The following C2orf80 variants were observed in gnomAD, a reference collection of about 807,000 sequenced individuals.
The protein encoded by C2orf80 is uncharacterized protein C2orf80.
A neutral mutation model predicts 30.2 loss-of-function variants in C2orf80; 28 were observed. That is an observed-to-expected ratio of 0.93 (90% CI 0.69 to 1.27). C2orf80 has a LOEUF of 1.27. Ranked by LOEUF, C2orf80 falls within the 50% of genes most tolerant of loss-of-function variation. The pLI is 0.00. For missense variants in C2orf80, 220 were observed against 231.0 expected (o/e 0.95, Z 0.31); for synonymous variants, 80 against 76.4 (o/e 1.05, Z -0.24).
chr2:208,174,632 G>C (rs1696219186), intron 6 of C2orf80, among the ~76,000 whole-genome samples: 2 of 152,176 alleles, frequency 1.3e-5, no homozygotes, highest in Non-Finnish European at 1.5e-5. Flanking sequence ...TTACATATGG[G>C]GAAATTGGGA....
intron 6 of C2orf80, among the ~76,000 whole-genome samples, chr2:208,177,833 TTA>T (rs1559341420): frequency 3.0e-4 from 45 of 148,650 alleles, no homozygotes; most frequent in African/African-American, 1.1e-3. Flanking sequence ...TATTTATTTT[TTA>T]TTTTTTTTGA....
rs954853600 is a variant in C2orf80 at position 208,190,017 on chromosome 2, G to A, written c.-140C>T. On this transcript the variant is annotated 5_prime_UTR_variant, in exon 1 of 9. Transcript: ENST00000341287. ...CTTCTGGAGGCATGCTGAAGCATCCGCGCATCTCAGACTGGTGCTCACAGA... is the reference window on the plus strand; with the variant it reads ...CTTCTGGAGGCATGCTGAAGCATCCACGCATCTCAGACTGGTGCTCACAGA... 12 of 702,708 alleles carry A rather than the reference G, an allele frequency of 1.7e-5. No homozygotes were observed. Among genetic ancestry groups the A allele is most frequent in the South Asian group, 5.9e-5 (4 of 67,554 alleles). The allele number at this position is 702,708 out of a possible 1,614,324, so 43.5% of individuals were successfully genotyped here.
At chr2:208,174,654 A>G (rs935089519) in intron 6 of C2orf80, among the ~76,000 whole-genome samples, 8 of 152,238 alleles carry the variant, frequency 5.3e-5, no homozygotes, top group Non-Finnish European at 1.0e-4. Flanking sequence ...TCAGAGAGAA[A>G]TAACTTATCC....
intron 6 of C2orf80, among the ~76,000 whole-genome samples, chr2:208,174,510 G>C (rs530495685): frequency 6.6e-6 from 1 of 152,158 alleles, no homozygotes; most frequent in Non-Finnish European, 1.5e-5. Flanking sequence ...CACTAATATG[G>C]AAGGTCCCCT....
chr2:208,180,804 T>C lies in C2orf80; in HGVS notation c.307A>G (p.Ile103Val). 6.2e-7 allele frequency: 1 copy of C among 1,613,406 alleles called. No individual in the cohort carries two copies. Among genetic ancestry groups the C allele is most frequent in the Non-Finnish European group, 8.5e-7 (1 of 1,179,568 alleles). Residue 103 changes from isoleucine to valine, a missense_variant, in exon 6 of 9, where the codon ATT becomes GTT. Ile to Val is a conservative substitution (Grantham distance 29, BLOSUM62 3). Transcript: ENST00000341287. Reference protein sequence around the residue: ...YAGILMNSIPIEEVFKIYGAD... With the variant: ...YAGILMNSIPVEEVFKIYGAD... ...CCATAAATTTTAAAGACTTCCTCAA[T>C]CGGGATACTGTTCTGTTAAACAACA...
intron 4 of C2orf80, among the ~76,000 whole-genome samples, chr2:208,181,657 G>A (rs1696565839): frequency 6.6e-6 from 1 of 152,036 alleles, no homozygotes; most frequent in South Asian, 2.1e-4. Context: ...AAGCCTATAT[G>A]CTTCTAGGGA....
intron 5 of C2orf80, 145 bp from the exon 6 acceptor site, chr2:208,180,961 T>C: frequency 2.8e-6 from 2 of 713,880 alleles, no homozygotes; most frequent in Non-Finnish European, 2.3e-6. Context: ...TTCTGATCAA[T>C]GGATAAATCA....
Position 208,181,322 on chromosome 2 carries a change from A to T in C2orf80, c.207-17T>A. The T allele has an allele frequency of 6.7e-7, 1 of 1,497,138 alleles. No individual in the cohort carries two copies. The highest frequency in any genetic ancestry group is 9.3e-7 in the Non-Finnish European group (1 of 1,073,984). 92.7% of individuals were successfully genotyped at this position (1,497,138 alleles called of 1,614,324 possible). On this transcript the variant is annotated splice_polypyrimidine_tract_variant and intron_variant, in intron 4 of 8. Coordinates refer to ENST00000341287, the MANE Select transcript of C2orf80 (RefSeq NM_001099334.3). ...GGTATTTTCCTAATGGGGAATAGGA[A>T]ATACAAGTGGAAGATTTATTCTTGT... is the stretch of plus-strand genomic sequence containing the variant.
intron 7 of C2orf80, 76 bp downstream of exon 7, chr2:208,171,912 T>C (rs1431023091): frequency 5.7e-6 from 7 of 1,230,010 alleles, no homozygotes; most frequent in Non-Finnish European, 8.4e-6. Flanking sequence ...AATTTTGACC[T>C]TACCTGGTGA....
At chr2:208,183,841 G>A (rs770038052) in intron 3 of C2orf80, among the ~76,000 whole-genome samples, 18 of 152,300 alleles carry the variant, frequency 1.2e-4, no homozygotes, top group Non-Finnish European at 2.2e-4. Flanking sequence ...TTATCATGGT[G>A]ACCACCTTTT....
At chr2:208,176,996 C>CAG (rs1696366296) in intron 6 of C2orf80, among the ~76,000 whole-genome samples, 3 of 12,480 alleles carry the variant, frequency 2.4e-4, no homozygotes, top group African/African-American at 6.4e-4. Context: ...TATATGTATA[C>CAG]ATATATACAT....
At chr2:208,171,141 C>A in intron 7 of C2orf80, 78 bp from the exon 8 acceptor site, 1 of 943,630 alleles carries the variant, frequency 1.1e-6, no homozygotes, top group Non-Finnish European at 1.7e-6. Context: ...CATTTAATTT[C>A]ATTTCACTAA....
intron 6 of C2orf80, among the ~76,000 whole-genome samples, chr2:208,179,703 C>CT (rs76655685): frequency 0.17 from 24,939 of 146,864 alleles, 2,940 homozygotes; most frequent in East Asian, 0.57. Context: ...TCAGAACACC[C>CT]TTTTTTTTTT....
intron 6 of C2orf80, among the ~76,000 whole-genome samples, chr2:208,173,372 C>A (rs1696168723): frequency 6.6e-6 from 1 of 152,192 alleles, no homozygotes; most frequent in Non-Finnish European, 1.5e-5. Context: ...AGCGTGTAAT[C>A]TCAGCACTTT....
rs770923949 is a variant in C2orf80, at chr2:208,184,959, C to T, written c.115G>A (p.Asp39Asn). The T allele has an allele frequency of 6.2e-7, 1 of 1,613,156 alleles. No individual in the cohort carries two copies. The highest frequency in any genetic ancestry group is 2.2e-5 in the East Asian group (1 of 44,876). ...PKGRRQLTFL[D>N]DMAHYDLAIS... The stretch of plus-strand genomic sequence containing the variant: ...AGCGTGCCTTTCTTTACCATATCAT[C>T]TAGAAAGGTGAGTTGCCGTCTTCCT... Residue 39 changes from aspartate to asparagine, a missense_variant, in exon 3 of 9, where the codon GAT becomes AAT. By Grantham distance (23) the Asp-to-Asn change is conservative. Coordinates refer to ENST00000341287, the MANE Select transcript of C2orf80 (RefSeq NM_001099334.3).
intron 6 of C2orf80, among the ~76,000 whole-genome samples, chr2:208,176,926 C>CATATGTACAG (rs1553597346): frequency 7.5e-5 from 6 of 80,150 alleles, no homozygotes; most frequent in African/African-American, 2.5e-4. Flanking sequence ...TATCTGTATA[C>CATATGTACAG]ATATGTATAC....
intron 6 of C2orf80, among the ~76,000 whole-genome samples, chr2:208,173,645 A>G (rs1373041389): frequency 2.4e-5 from 3 of 125,906 alleles, no homozygotes; most frequent in African/African-American, 8.6e-5. Flanking sequence ...AAACAAAAAC[A>G]AAACACCAAA....
rs1696341194 is a variant in C2orf80, at chr2:208,176,941, C to CATA, written c.366+3803_366+3804insTAT. Among the ~76,000 whole-genome samples, 4 of 30,256 alleles carry CATA rather than the reference C, an allele frequency of 1.3e-4. 1 individual carries two copies. Among genetic ancestry groups the CATA allele is most frequent in the East Asian group, 8.6e-4 (2 of 2,316 alleles). The allele number at this position is 30,256 out of a possible 152,430, so 19.8% of individuals were successfully genotyped here. On this transcript the variant is annotated intron_variant, in intron 6 of 8. Transcript: ENST00000341287. ...TATCTGTATACATATGTATACATAT[C>CATA]TGTATACATATCTGTATACATATGT...
At chr2:208,188,234 A>G (rs907946156) in intron 1 of C2orf80, among the ~76,000 whole-genome samples, 7 of 152,088 alleles carry the variant, frequency 4.6e-5, no homozygotes, top group African/African-American at 1.7e-4. Flanking sequence ...ATGGATGTTC[A>G]TTATACTACC....
Sources: gnomAD v4.1 joint callset for allele counts (sites outside exome capture counted in the v4.1 genomes callset) on GRCh38, gnomAD v4.1.1 for gene constraint, MANE v1.5 for transcripts, NCBI Gene and HGNC (gene_info 2026-07-23, HGNC 2026-07-21) for gene names.